NRG3: variants seen among roughly 807,000 people sequenced by gnomAD.
The protein encoded by NRG3 is pro-neuregulin-3, membrane-bound isoform.
NRG3 carries 31 observed loss-of-function variants against 66.9 expected under a neutral mutation model. The ratio of observed to expected loss-of-function variants is 0.46; its 90% CI spans 0.35 to 0.63. The LOEUF (loss-of-function observed/expected upper bound fraction) is 0.63, where lower values mean the gene tolerates loss of function less well. Among genes scored for constraint, NRG3 ranks in the 20% least tolerant of loss-of-function variants. The pLI, the probability that NRG3 is intolerant of heterozygous loss-of-function variation, is 0.00. For missense variants in NRG3, 910 were observed against 878.9 expected, an observed-to-expected ratio of 1.04 and a Z score of -0.45; for synonymous variants, 393 against 359.4, an observed-to-expected ratio of 1.09 and a Z score of -1.06.
intron 2 of NRG3, among the ~76,000 whole-genome samples, chr10:82,432,474 A>C (rs960390876): frequency 1.0e-4 from 14 of 140,628 alleles, no homozygotes; most frequent in African/African-American, 3.8e-4. Context: ...TATACACCAC[A>C]TTTTTTTTCT....
intron 1 of NRG3, among the ~76,000 whole-genome samples, chr10:82,114,347 C>G (rs2067567033): frequency 6.6e-6 from 1 of 152,034 alleles, no homozygotes; most frequent in South Asian, 2.1e-4. Flanking sequence ...AGTTTTAATT[C>G]AATTACTTCT....
intron 4 of NRG3, among the ~76,000 whole-genome samples, chr10:82,913,959 A>G (rs930586886): frequency 2.6e-5 from 4 of 151,948 alleles, no homozygotes; most frequent in Non-Finnish European, 4.4e-5. Flanking sequence ...ATTGTCTCCT[A>G]GTTTTTCAAT....
chr10:82,098,555 A>C (rs1022548720), intron 1 of NRG3, among the ~76,000 whole-genome samples: 4 of 152,142 alleles, frequency 2.6e-5, no homozygotes, highest in Non-Finnish European at 4.4e-5. Flanking sequence ...TGGATACACT[A>C]TCTCTAGCTT....
intron 2 of NRG3, among the ~76,000 whole-genome samples, chr10:82,637,923 A>T (rs1467186835): frequency 2.2e-5 from 2 of 91,390 alleles, no homozygotes; most frequent in Non-Finnish European, 2.5e-5. Flanking sequence ...AGTCATGTAT[A>T]AAAAAATGTC....
chr10:82,277,728 A>C (rs1196490229), intron 1 of NRG3, among the ~76,000 whole-genome samples: 1 of 152,054 alleles, frequency 6.6e-6, no homozygotes, highest in African/African-American at 2.4e-5. Context: ...GGAAGCTCTC[A>C]GTATTCTGTC....
chr10:82,910,914 G>A (rs970940523), intron 4 of NRG3, among the ~76,000 whole-genome samples: 7 of 152,214 alleles, frequency 4.6e-5, no homozygotes, highest in Admixed American at 1.3e-4. Flanking sequence ...ACAGTTGTGC[G>A]TGCATGGCAC....
At chr10:82,636,229 G>A (rs2050186660) in intron 2 of NRG3, among the ~76,000 whole-genome samples, 1 of 151,772 alleles carries the variant, frequency 6.6e-6, no homozygotes, top group African/African-American at 2.4e-5. Context: ...ACATATGTGT[G>A]TGTGTGTGTG....
intron 8 of NRG3, among the ~76,000 whole-genome samples, chr10:82,980,211 GA>G (rs34517442): frequency 0.5 from 73,308 of 146,364 alleles, 18,127 homozygotes; most frequent in Middle Eastern, 0.61. Context: ...TCTCAAAAAA[GA>G]AAAAAAAAAA....
At chr10:82,327,721 C>T (rs2081947008) in intron 1 of NRG3, among the ~76,000 whole-genome samples, 1 of 152,130 alleles carries the variant, frequency 6.6e-6, no homozygotes, top group Non-Finnish European at 1.5e-5. Context: ...GACTTGTAAA[C>T]CAGCCCATGA....
chr10:82,481,368 T>TC (rs1842255763), intron 2 of NRG3, among the ~76,000 whole-genome samples: 1 of 152,056 alleles, frequency 6.6e-6, no homozygotes, highest in African/African-American at 2.4e-5. Flanking sequence ...GCGTGTCTGA[T>TC]CCCCCTTATT....
intron 1 of NRG3, among the ~76,000 whole-genome samples, chr10:82,278,629 T>C (rs2078976357): frequency 1.3e-5 from 2 of 152,158 alleles, no homozygotes; most frequent in South Asian, 4.1e-4. Flanking sequence ...ATTTGAGAAC[T>C]GAAACTAGAG....
At chr10:82,852,551 A>G (rs568435632) in intron 3 of NRG3, among the ~76,000 whole-genome samples, 21 of 152,238 alleles carry the variant, frequency 1.4e-4, no homozygotes, top group East Asian at 1.2e-3. Context: ...TTTCTCATCT[A>G]TAAAATACCA....
intron 2 of NRG3, among the ~76,000 whole-genome samples, chr10:82,412,785 C>T (rs1183653793): frequency 6.6e-6 from 1 of 152,192 alleles, no homozygotes; most frequent in African/African-American, 2.4e-5. Context: ...CCTGTGTTGT[C>T]ACTTCAACAA....
At chr10:82,184,841 A>G (rs1019025544) in intron 1 of NRG3, among the ~76,000 whole-genome samples, 22 of 152,288 alleles carry the variant, frequency 1.4e-4, no homozygotes, top group African/African-American at 5.3e-4. Context: ...CTTACTGTCA[A>G]AATCAACAAG....
Position 82,229,667 on chromosome 10 carries a change from AG to A in NRG3, c.824-129071del, listed in dbSNP as rs574032488. The stretch of plus-strand genomic sequence containing the variant: ...AGAAGTGCAGAGCGAAGCAGGGAAA[AG>A]CCCCTTATAAAACCATCAGATCTTG... On this transcript the variant is annotated intron_variant, in intron 1 of 8. Transcript: ENST00000372141. Among the ~76,000 whole-genome samples the A allele has an allele frequency of 2.5e-3, 383 of 152,256 alleles. 4 individuals carry two copies. Among genetic ancestry groups the A allele is most frequent in the Admixed American group, 0.014 (208 of 15,282 alleles).
chr10:81,908,429 T>C (rs1350083097), intron 1 of NRG3, among the ~76,000 whole-genome samples: 1 of 152,174 alleles, frequency 6.6e-6, no homozygotes, highest in Non-Finnish European at 1.5e-5. Flanking sequence ...CAATATTCTA[T>C]AGTAGGTATT....
intron 3 of NRG3, among the ~76,000 whole-genome samples, chr10:82,815,752 C>T (rs2061679098): frequency 6.6e-6 from 1 of 152,138 alleles, no homozygotes; most frequent in Admixed American, 6.5e-5. Context: ...CTTATTCCGC[C>T]CACTTCACCT....
Position 82,912,315 on chromosome 10 carries a change from A to G in NRG3, c.1055-39154A>G, listed in dbSNP as rs780119485. On this transcript the variant is annotated intron_variant, in intron 4 of 8. Coordinates refer to ENST00000372141, the MANE Select transcript of NRG3 (RefSeq NM_001010848.4). ...GTAGTTCTTCTAGTTTTAGCCTTAC[A>G]TATTTTCATGCTGGGTTTACAGGCA... Among the ~76,000 whole-genome samples, 3 of 152,286 alleles carry G rather than the reference A, an allele frequency of 2.0e-5. No homozygotes were observed. The South Asian group carries it at 6.2e-4, about 32-fold the overall frequency.
chr10:82,902,105 A>G (rs1844283158), intron 4 of NRG3, among the ~76,000 whole-genome samples: 1 of 152,178 alleles, frequency 6.6e-6, no homozygotes, highest in Non-Finnish European at 1.5e-5. Context: ...TATATTTCAT[A>G]TACTATGTAC....
Sources: gnomAD v4.1 joint callset for allele counts (sites outside exome capture counted in the v4.1 genomes callset) on GRCh38, gnomAD v4.1.1 for gene constraint, MANE v1.5 for transcripts, NCBI Gene and HGNC (gene_info 2026-07-23, HGNC 2026-07-21) for gene names.